ZBTB20: variants seen among roughly 807,000 people sequenced by gnomAD.
ZBTB20 encodes the protein zinc finger and BTB domain containing 20.
Under a neutral mutation model 56.9 loss-of-function variants are expected in ZBTB20, and 9 were observed. The ratio of observed to expected loss-of-function variants is 0.16; its 90% CI spans 0.10 to 0.28. The LOEUF is 0.28. ZBTB20 is among the 10% of genes least tolerant of loss of function. ZBTB20 has a pLI of 1.00. For missense variants in ZBTB20, 655 were observed against 1,003.0 expected (o/e 0.65, Z 4.69); for synonymous variants, 417 against 420.7 (o/e 0.99, Z 0.11).
At chr3:114,386,044 T>C (rs2085075831) in intron 8 of ZBTB20, among the ~76,000 whole-genome samples, 1 of 152,300 alleles carries the variant, frequency 6.6e-6, no homozygotes, top group East Asian at 1.9e-4. Context: ...TGTTTGTCAT[T>C]GCTGTGGCTA....
intron 1 of ZBTB20, among the ~76,000 whole-genome samples, chr3:115,087,245 A>G (rs1334454618): frequency 6.6e-6 from 1 of 151,908 alleles, no homozygotes; most frequent in Non-Finnish European, 1.5e-5. Context: ...AAAAATAAAA[A>G]TGGCCTGTCT....
intron 7 of ZBTB20, among the ~76,000 whole-genome samples, chr3:114,412,047 C>T (rs2088015153): frequency 6.6e-6 from 1 of 152,072 alleles, no homozygotes; most frequent in Admixed American, 6.6e-5. Context: ...AACTTCAGTA[C>T]AAGCAAGTAT....
intron 5 of ZBTB20, among the ~76,000 whole-genome samples, chr3:114,709,696 T>C (rs186107206): frequency 6.4e-4 from 98 of 152,278 alleles, no homozygotes; most frequent in African/African-American, 1.9e-3. Flanking sequence ...GGCATCTTCA[T>C]TGAAAGCTCC....
intron 7 of ZBTB20, among the ~76,000 whole-genome samples, chr3:114,441,133 A>G (rs1484900476): frequency 6.6e-6 from 1 of 152,154 alleles, no homozygotes; most frequent in African/African-American, 2.4e-5. Context: ...ACTGTTTCTC[A>G]ATGTCATCTG....
intron 1 of ZBTB20, among the ~76,000 whole-genome samples, chr3:115,089,962 G>C (rs1378521824): frequency 6.6e-6 from 1 of 151,750 alleles, no homozygotes; most frequent in Non-Finnish European, 1.5e-5. Context: ...ATAAATTCAG[G>C]TGTGACAGTA....
intron 6 of ZBTB20, among the ~76,000 whole-genome samples, chr3:114,644,501 C>T (rs1430906078): frequency 6.6e-6 from 1 of 152,016 alleles, no homozygotes; most frequent in African/African-American, 2.4e-5. Context: ...TGTCAATAAA[C>T]GCTCAGCATT....
Position 114,328,282 on chromosome 3 carries a change from T to C in ZBTB20, c.*10723A>G, listed in dbSNP as rs1026800131. On this transcript the variant is annotated 3_prime_UTR_variant, in exon 12 of 12. Coordinates refer to ENST00000675478, the MANE Select transcript of ZBTB20 (RefSeq NM_001348800.3). ...AAACTCTTCCTAATTTTTCCTACAA[T>C]GTGTTCAAGTGGATGTGGCTTTTCT... 3 of 152,120 alleles carry C rather than the reference T, an allele frequency of 2.0e-5. No homozygotes were observed. The highest frequency in any genetic ancestry group is 7.2e-5 in the African/African-American group (3 of 41,414). 9.4% of individuals were successfully genotyped at this position (152,120 alleles called of 1,614,324 possible).
intron 1 of ZBTB20, among the ~76,000 whole-genome samples, chr3:115,144,235 C>T (rs1187842779): frequency 6.6e-6 from 1 of 152,066 alleles, no homozygotes; most frequent in East Asian, 1.9e-4. Context: ...AATTATAGAT[C>T]GCAGGAACTT....
At chr3:114,891,387 C>T (rs923687164) in intron 4 of ZBTB20, among the ~76,000 whole-genome samples, 1 of 152,192 alleles carries the variant, frequency 6.6e-6, no homozygotes, top group African/African-American at 2.4e-5. Flanking sequence ...AAACCTGTAT[C>T]ATGTCTCCTC....
At chr3:114,550,460 C>T (rs538230831) in intron 6 of ZBTB20, among the ~76,000 whole-genome samples, 1 of 152,294 alleles carries the variant, frequency 6.6e-6, no homozygotes, top group Admixed American at 6.5e-5. Flanking sequence ...GATTTGTCAA[C>T]AGCTTTGAGT....
intron 5 of ZBTB20, among the ~76,000 whole-genome samples, chr3:114,797,337 A>T (rs150349400): frequency 0.012 from 1,750 of 151,872 alleles, 16 homozygotes; most frequent in South Asian, 0.041. Flanking sequence ...TATGGTTCTC[A>T]TCCAATTCCT....
rs1315662423 is a variant in ZBTB20, at chr3:115,063,055, T to C, written c.-507+8164A>G. 3.3e-5 allele frequency among the ~76,000 whole-genome samples: 5 copies of C among 152,232 alleles called. No individual in the cohort carries two copies. The East Asian group carries it at 5.8e-4, about 18-fold the overall frequency. The stretch of plus-strand genomic sequence containing the variant: ...GTAACATATATTTAAGGTCTCAGAA[T>C]TGTAGCAACAACTTTTAGATTCTTC... On this transcript the variant is annotated intron_variant, in intron 2 of 11. Coordinates refer to ENST00000675478, the MANE Select transcript of ZBTB20 (RefSeq NM_001348800.3).
At chr3:115,073,652 C>A (rs1422902333) in intron 1 of ZBTB20, among the ~76,000 whole-genome samples, 1 of 151,288 alleles carries the variant, frequency 6.6e-6, no homozygotes, top group Non-Finnish European at 1.5e-5. Flanking sequence ...CTAAAGAAAG[C>A]ATAGGGAAAT....
At chr3:114,826,590 T>C (rs1270123671) in intron 4 of ZBTB20, among the ~76,000 whole-genome samples, 1 of 151,778 alleles carries the variant, frequency 6.6e-6, no homozygotes, top group Non-Finnish European at 1.5e-5. Flanking sequence ...TCAGTAATTC[T>C]AGAATATCAG....
chr3:115,107,862 G>A (rs1168262285), intron 1 of ZBTB20, among the ~76,000 whole-genome samples: 1 of 152,194 alleles, frequency 6.6e-6, no homozygotes, highest in Non-Finnish European at 1.5e-5. Context: ...GAATCTGGAA[G>A]ACATAATCCT....
chr3:114,979,695 T>C (rs2078251422), intron 2 of ZBTB20, among the ~76,000 whole-genome samples: 1 of 152,014 alleles, frequency 6.6e-6, no homozygotes, highest in African/African-American at 2.4e-5. Flanking sequence ...TCCTGAAAGA[T>C]CATAAAGAAC....
chr3:115,050,373 AG>A (rs985273160), intron 2 of ZBTB20, among the ~76,000 whole-genome samples: 5 of 151,908 alleles, frequency 3.3e-5, no homozygotes, highest in African/African-American at 1.2e-4. Context: ...CCTTCAAAAG[AG>A]TTTTTTTATG....
At position 114,653,399 on chromosome 3, in the gene ZBTB20, CTTT is replaced by C. The variant is rs1177879539; in HGVS notation, c.-295+40126_-295+40128del. ...CATCTATTGAGATCATATTTTTCTTCTTTATTAGGATGCATTTACAGTGATTTA... is the reference window on the plus strand; with the variant it reads ...CATCTATTGAGATCATATTTTTCTTCATTAGGATGCATTTACAGTGATTTA... On this transcript the variant is annotated intron_variant, in intron 6 of 11. Transcript: ENST00000675478. 1.3e-4 allele frequency among the ~76,000 whole-genome samples: 19 copies of C among 151,860 alleles called. 1 individual carries two copies. The highest frequency in any genetic ancestry group is 7.4e-5 in the Non-Finnish European group (5 of 67,738).
In ZBTB20 at chr3:114,564,080, C is replaced by A. The variant is rs529563657; in HGVS notation, c.-294-63689G>T. ...CCACCTGTATTCATTGGCTCATGATCTATTCCTCCCTCTTCAAAACCAGCA... is the reference window on the plus strand; with the variant it reads ...CCACCTGTATTCATTGGCTCATGATATATTCCTCCCTCTTCAAAACCAGCA... On this transcript the variant is annotated intron_variant, in intron 6 of 11. Transcript: ENST00000675478. Among the ~76,000 whole-genome samples, 6 of 152,146 alleles carry A rather than the reference C, an allele frequency of 3.9e-5. No homozygotes were observed. In the South Asian group the frequency reaches 1.2e-3, roughly 32 times the overall value.
Sources: gnomAD v4.1 joint callset for allele counts (sites outside exome capture counted in the v4.1 genomes callset) on GRCh38, gnomAD v4.1.1 for gene constraint, MANE v1.5 for transcripts, NCBI Gene and HGNC (gene_info 2026-07-23, HGNC 2026-07-21) for gene names.